DPP6: variants seen among roughly 807,000 people sequenced by gnomAD.
DPP6 encodes the protein dipeptidyl peptidase like 6.
In DPP6, 69 loss-of-function variants were observed where a neutral mutation model predicts 122.6. The ratio of observed to expected loss-of-function variants is 0.56; its 90% CI spans 0.46 to 0.69. DPP6 has a LOEUF of 0.69. Ranked by LOEUF, DPP6 falls within the 30% of genes least tolerant of loss-of-function variation. DPP6 has a pLI of 0.00. For missense variants in DPP6, 928 were observed against 1,116.9 expected, an observed-to-expected ratio of 0.83 and a Z score of 2.41; for synonymous variants, 418 against 433.1, an observed-to-expected ratio of 0.97 and a Z score of 0.43.
chr7:153,836,631 T>G, the DPP6 span, among the ~76,000 whole-genome samples: 2 of 152,336 alleles, frequency 1.3e-5, no homozygotes, highest in East Asian at 3.9e-4. Flanking sequence ...TGGATTAAAT[T>G]TTATACATGT....
intron 22 of DPP6, 29 bp downstream of exon 22, chr7:154,885,773 G>C: frequency 6.4e-7 from 1 of 1,559,144 alleles, no homozygotes; most frequent in Non-Finnish European, 8.7e-7. Flanking sequence ...CCAAGCGACG[G>C]GCTCTGCTCC....
At chr7:154,885,431 C>A in intron 21 of DPP6, 1 of 646,920 alleles carries the variant, frequency 1.5e-6, no homozygotes, top group Non-Finnish European at 2.5e-6. Flanking sequence ...AGAAGGCGCA[C>A]GTCGCATAAT....
intron 7 of DPP6, among the ~76,000 whole-genome samples, chr7:154,710,865 T>C (rs1185438586): frequency 6.6e-6 from 1 of 152,256 alleles, no homozygotes; most frequent in East Asian, 1.9e-4. Context: ...CGTATGATCA[T>C]TGCTAAACCA....
chr7:154,139,151 G>A (rs1434916485), intron 1 of DPP6, among the ~76,000 whole-genome samples: 4 of 151,562 alleles, frequency 2.6e-5, no homozygotes, highest in Admixed American at 1.3e-4. Flanking sequence ...TATCAGAGGA[G>A]TTGTCTCATA....
In DPP6 at chr7:154,463,885, G is replaced by A. The variant is rs1033231315; in HGVS notation, c.359-11054G>A. On this transcript the variant is annotated intron_variant, in intron 2 of 25. Coordinates refer to ENST00000377770, the MANE Select transcript of DPP6 (RefSeq NM_130797.4). Reference sequence around the variant, plus strand: ...TCCTCTCCTCAAGCAGAGGGAAAGAGTCTCTCCTAGAGCTGCAAGCTGTGC... The same window carrying A: ...TCCTCTCCTCAAGCAGAGGGAAAGAATCTCTCCTAGAGCTGCAAGCTGTGC... Among the ~76,000 whole-genome samples the A allele has an allele frequency of 3.9e-5, 6 of 152,132 alleles. No homozygotes were observed. In the East Asian group the frequency reaches 1.2e-3, roughly 29 times the overall value.
intron 1 of DPP6, among the ~76,000 whole-genome samples, chr7:154,357,983 G>A (rs73493286): frequency 0.022 from 3,270 of 151,724 alleles, 124 homozygotes; most frequent in African/African-American, 0.075. Context: ...AATCTTTCTC[G>A]GAAGTGCTCC....
At chr7:154,745,328 CCTCAAAATT>C (rs1193235150) in intron 8 of DPP6, among the ~76,000 whole-genome samples, 2 of 152,188 alleles carry the variant, frequency 1.3e-5, no homozygotes, top group African/African-American at 4.8e-5. Flanking sequence ...CATCTCTGAG[CCTCAAAATT>C]CTCCTTTATA....
intron 3 of DPP6, among the ~76,000 whole-genome samples, chr7:154,478,118 T>C (rs552360676): frequency 7.4e-4 from 113 of 152,310 alleles, no homozygotes; most frequent in African/African-American, 2.4e-3. Flanking sequence ...GTCTTTATAA[T>C]TGGTTTTTGA....
intron 5 of DPP6, among the ~76,000 whole-genome samples, chr7:154,590,780 C>T (rs769385662): frequency 6.8e-4 from 103 of 151,834 alleles, no homozygotes; most frequent in Non-Finnish European, 9.4e-4. Flanking sequence ...GTGATCCGCT[C>T]ACCTTGGCCT....
intron 1 of DPP6, among the ~76,000 whole-genome samples, chr7:154,429,649 C>T (rs529254619): frequency 1.3e-5 from 2 of 152,146 alleles, no homozygotes; most frequent in Non-Finnish European, 2.9e-5. Flanking sequence ...GAAGATGTGT[C>T]ACTGTCATGG....
chr7:153,931,041 G>C (rs1330257666), intron 1 of DPP6, among the ~76,000 whole-genome samples: 1 of 152,184 alleles, frequency 6.6e-6, no homozygotes, highest in African/African-American at 2.4e-5. Context: ...GATTAGCTGT[G>C]TTCCATCCCA....
At chr7:154,487,570 G>T (rs906149807) in intron 3 of DPP6, among the ~76,000 whole-genome samples, 2 of 152,216 alleles carry the variant, frequency 1.3e-5, no homozygotes, top group African/African-American at 4.8e-5. Flanking sequence ...AAAAGAGTCT[G>T]AGAGCTCAGG....
At chr7:154,608,860 G>A (rs556697926) in intron 5 of DPP6, among the ~76,000 whole-genome samples, 29 of 152,218 alleles carry the variant, frequency 1.9e-4, no homozygotes, top group Non-Finnish European at 3.5e-4. Flanking sequence ...AGTCATCTCC[G>A]TGAATATCTG....
At chr7:154,683,823 C>T (rs766375469) in intron 7 of DPP6, among the ~76,000 whole-genome samples, 5 of 152,114 alleles carry the variant, frequency 3.3e-5, no homozygotes, top group Non-Finnish European at 5.9e-5. Context: ...CCTCTCACTG[C>T]GAAGACTTTG....
intron 7 of DPP6, among the ~76,000 whole-genome samples, chr7:154,692,648 C>T (rs1839995260): frequency 6.6e-6 from 1 of 152,166 alleles, no homozygotes; most frequent in East Asian, 1.9e-4. Flanking sequence ...TTCTGAGATG[C>T]TGATGTAGCT....
chr7:154,021,573 C>A (rs1222854385), intron 1 of DPP6, among the ~76,000 whole-genome samples: 1 of 152,146 alleles, frequency 6.6e-6, no homozygotes, highest in African/African-American at 2.4e-5. Context: ...CCATATATCC[C>A]AAACGAGGGC....
chr7:154,312,970 T>C (rs927503721), intron 1 of DPP6, among the ~76,000 whole-genome samples: 1 of 152,234 alleles, frequency 6.6e-6, no homozygotes, highest in African/African-American at 2.4e-5. Context: ...CTAGCAGTGA[T>C]TCTTGAAATT....
chr7:153,964,968 C>CTCTCTTT (rs1795602465), intron 1 of DPP6, among the ~76,000 whole-genome samples: 2 of 103,414 alleles, frequency 1.9e-5, no homozygotes, highest in African/African-American at 9.9e-5. Context: ...TTCTTTCTTT[C>CTCTCTTT]ATTTCTTTTC....
At chr7:154,096,588 A>G (rs111619478) in intron 1 of DPP6, among the ~76,000 whole-genome samples, 3,135 of 152,258 alleles carry the variant, frequency 0.021, 42 homozygotes, top group Non-Finnish European at 0.036. Flanking sequence ...ATAATAAAAT[A>G]TTTCATAATT....
Sources: gnomAD v4.1 joint callset for allele counts (sites outside exome capture counted in the v4.1 genomes callset) on GRCh38, gnomAD v4.1.1 for gene constraint, MANE v1.5 for transcripts, NCBI Gene and HGNC (gene_info 2026-07-23, HGNC 2026-07-21) for gene names.